The following CRB3 variants were observed in gnomAD, a reference collection of about 807,000 sequenced individuals.
CRB3 encodes the protein crumbs cell polarity complex component 3.
A neutral mutation model predicts 10.4 loss-of-function variants in CRB3; 4 were observed. That is an observed-to-expected ratio of 0.39 (90% CI 0.19 to 0.88). The LOEUF (loss-of-function observed/expected upper bound fraction) is 0.88. Among genes scored for constraint, CRB3 ranks in the 40% least tolerant of loss-of-function variants. The pLI is 0.39. For synonymous variants in CRB3, 74 were observed against 73.4 expected, an observed-to-expected ratio of 1.01 and a Z score of -0.04; for missense variants, 154 against 160.2, an observed-to-expected ratio of 0.96 and a Z score of 0.21.
intron 2 of CRB3, chr19:6,465,177 CCA>C: frequency 3.3e-6 from 1 of 299,178 alleles, no homozygotes; most frequent in Non-Finnish European, 6.2e-6. Context: ...GGTGTAGACC[CCA>C]GCCATTCAGT....
chr19:6,466,966 G>A lies in CRB3; in HGVS notation c.*294G>A, dbSNP rs748268475. 2.5e-5 allele frequency: 41 copies of A among 1,613,770 alleles called. No homozygotes were observed. Among genetic ancestry groups the A allele is most frequent in the Non-Finnish European group, 2.7e-5 (32 of 1,179,974 alleles). On this transcript the variant is annotated 3_prime_UTR_variant, in exon 4 of 4. Transcript: ENST00000600229. This position sits in a 1 kb window ranked among gnomAD's most constrained non-coding sequence, Gnocchi z 4.9. ...TTTCTTTCAGTTCTCCCATGCAGCCGAGGCCCGGGCCCCTCAGGACTCCAA... is the reference window on the plus strand; with the variant it reads ...TTTCTTTCAGTTCTCCCATGCAGCCAAGGCCCGGGCCCCTCAGGACTCCAA...
At position 6,466,469 on chromosome 19, in the gene CRB3, C is replaced by G; in HGVS notation, c.160C>G (p.Pro54Ala). 1 of 1,613,556 alleles carries G rather than the reference C, an allele frequency of 6.2e-7. No homozygotes were observed. The highest frequency in any genetic ancestry group is 1.1e-5 in the South Asian group (1 of 91,074). Residue 54 changes from proline to alanine, a missense_variant, in exon 4 of 4, where the codon CCA (proline) becomes GCA (alanine). By Grantham distance (27) the Pro-to-Ala change is conservative. Coordinates refer to ENST00000600229, the MANE Select transcript of CRB3 (RefSeq NM_139161.5). This position sits in a 1 kb window ranked among gnomAD's most constrained non-coding sequence, Gnocchi z 4.9. ...CACACCTGTCCCCTCTCTGCAGCGTCCAGAAGCCATCACTGCTATCATCGT... is the reference window on the plus strand; with the variant it reads ...CACACCTGTCCCCTCTCTGCAGCGTGCAGAAGCCATCACTGCTATCATCGT... ...TSSSSDGNLR[P>A]EAITAIIVVF...
Position 6,464,722 on chromosome 19 carries a change from G to GCTGCTTCTGGCGCTGGGC in CRB3, c.26_43dup (p.Leu9_Leu14dup). Reference sequence around the variant, plus strand: ...AGCCCATGGCGAACCCCGGGCTGGGGCTGCTTCTGGCGCTGGGCCTGCCGT... The same window carrying GCTGCTTCTGGCGCTGGGC: ...AGCCCATGGCGAACCCCGGGCTGGGGCTGCTTCTGGCGCTGGGCCTGCTTCTGGCGCTGGGCCTGCCGT... On this transcript the variant is annotated inframe_insertion, in exon 2 of 4. Transcript: ENST00000600229. The surrounding 1 kb of genome is among the most constrained non-coding windows in gnomAD (Gnocchi z 5.3). The GCTGCTTCTGGCGCTGGGC allele has an allele frequency of 8.0e-7, 1 of 1,246,074 alleles. No homozygotes were observed. Among genetic ancestry groups the GCTGCTTCTGGCGCTGGGC allele is most frequent in the Non-Finnish European group, 1.0e-6 (1 of 994,488 alleles). The allele number at this position is 1,246,074 out of a possible 1,614,324, so 77.2% of individuals were successfully genotyped here. A position where few individuals can be genotyped will look rare whatever the true frequency, so the allele number is the denominator to read the frequency against.
chr19:6,464,777 G>A lies in CRB3; in HGVS notation c.76G>A (p.Gly26Arg). Residue 26 changes from glycine to arginine, a missense_variant, in exon 2 of 4, where the codon GGG (glycine) becomes AGG (arginine). Gly to Arg is a moderately radical substitution (Grantham distance 125). Coordinates refer to ENST00000600229, the MANE Select transcript of CRB3 (RefSeq NM_139161.5). The surrounding 1 kb of genome is among the most constrained non-coding windows in gnomAD (Gnocchi z 5.3). ...FLLARWGRAW[G>R]QIQTTSANEN... Reference sequence around the variant, plus strand: ...GCTGGCCCGCTGGGGCCGAGCCTGGGGGCAAAGTAGGTACCAGCTGAGAGC... The same window carrying A: ...GCTGGCCCGCTGGGGCCGAGCCTGGAGGCAAAGTAGGTACCAGCTGAGAGC... 7.9e-7 allele frequency: 1 copy of A among 1,268,464 alleles called. No individual in the cohort carries two copies. Among genetic ancestry groups the A allele is most frequent in the Non-Finnish European group, 9.9e-7 (1 of 1,005,136 alleles). 78.6% of individuals were successfully genotyped at this position (1,268,464 alleles called of 1,614,324 possible). A position where few individuals can be genotyped will look rare whatever the true frequency, so the allele number is the denominator to read the frequency against.
chr19:6,464,983 G>A lies in CRB3; in HGVS notation c.82+200G>A, dbSNP rs188562497. 2 of 392,548 alleles carry A rather than the reference G, an allele frequency of 5.1e-6. No individual in the cohort carries two copies. Among genetic ancestry groups the A allele is most frequent in the East Asian group, 7.3e-5 (2 of 27,540 alleles). The allele number at this position is 392,548 out of a possible 1,614,324, so 24.3% of individuals were successfully genotyped here. A position where few individuals can be genotyped will look rare whatever the true frequency, so the allele number is the denominator to read the frequency against. ...TTCTAGTTTCTTCCTTGGACACTGG[G>A]AGTTGGTCTAGGAGACCTGAGTTCC... On this transcript the variant is annotated intron_variant, in intron 2 of 3. Coordinates refer to ENST00000600229, the MANE Select transcript of CRB3 (RefSeq NM_139161.5). This position sits in a 1 kb window ranked among gnomAD's most constrained non-coding sequence, Gnocchi z 5.3.
In CRB3 at chr19:6,464,911, T is replaced by G; in HGVS notation, c.82+128T>G. 4.3e-6 allele frequency: 2 copies of G among 469,866 alleles called. No homozygotes were observed. The allele number at this position is 469,866 out of a possible 1,614,324, so 29.1% of individuals were successfully genotyped here. ...CAAGAATTGGGGAGCGGGGAAGAAA[T>G]ACCTTGGGGAGGGGTCTACAGGGTT... is the stretch of plus-strand genomic sequence containing the variant. On this transcript the variant is annotated intron_variant, in intron 2 of 3. Transcript: ENST00000600229. The surrounding 1 kb of genome is among the most constrained non-coding windows in gnomAD (Gnocchi z 5.3).
chr19:6,465,219 G>A (rs1489203584), intron 2 of CRB3: 3 of 354,406 alleles, frequency 8.5e-6, no homozygotes, highest in Non-Finnish European at 1.6e-5. Context: ...CCTGTGGGGA[G>A]GTGTGAGTCA....
At position 6,466,255 on chromosome 19, in the gene CRB3, A is replaced by G. The variant is rs535029381; in HGVS notation, c.157-211A>G. On this transcript the variant is annotated intron_variant, in intron 3 of 3. Transcript: ENST00000600229. This position sits in a 1 kb window ranked among gnomAD's most constrained non-coding sequence, Gnocchi z 4.9. ...CAGGTGCTTGCGAGGGGTGTCCCGG[A>G]CATGGCAGGTGGTGGGGAGCCTTCG... Among the ~76,000 whole-genome samples the G allele has an allele frequency of 5.3e-4, 81 of 151,414 alleles. No homozygotes were observed. The highest frequency in any genetic ancestry group is 2.4e-3 in the Admixed American group (36 of 15,242).
Position 6,467,190 on chromosome 19 carries a change from T to A in CRB3, c.*518T>A, listed in dbSNP as rs2092799910. The A allele has an allele frequency of 1.8e-6, 1 of 543,858 alleles. No individual in the cohort carries two copies. The allele number at this position is 543,858 out of a possible 1,614,324, so 33.7% of individuals were successfully genotyped here. ...GATGGGGCTATTCACTTTTATATAT[T>A]TATATAAAATTAGTAGTGAGATGTA... On this transcript the variant is annotated 3_prime_UTR_variant, in exon 4 of 4. Coordinates refer to ENST00000600229, the MANE Select transcript of CRB3 (RefSeq NM_139161.5).
At chr19:6,465,153 C>A (rs2092788154) in intron 2 of CRB3, 2 of 282,908 alleles carry the variant, frequency 7.1e-6, no homozygotes, top group Non-Finnish European at 1.3e-5. Flanking sequence ...GCCGGGTCGA[C>A]CTGGTTGGCT....
In CRB3 at chr19:6,467,077, A is replaced by G; in HGVS notation, c.*405A>G. The G allele has an allele frequency of 6.5e-7, 1 of 1,532,218 alleles. No homozygotes were observed. Among genetic ancestry groups the G allele is most frequent in the African/African-American group, 1.4e-5 (1 of 73,318 alleles). The allele number at this position is 1,532,218 out of a possible 1,614,324, so 94.9% of individuals were successfully genotyped here. On this transcript the variant is annotated 3_prime_UTR_variant, in exon 4 of 4. Transcript: ENST00000600229. ...TTGCTGTGTGACCTTGGGGAAAGGC[A>G]GTGCCCTCTCTGGGCAGTCAGATCC...
rs866696831 is a variant in CRB3 at position 6,464,760 on chromosome 19, G to T, written c.59G>T (p.Arg20Leu). Residue 20 changes from arginine (R) to leucine (L), a missense_variant, in exon 2 of 4, where the codon CGC becomes CTC. Transcript: ENST00000600229. This position sits in a 1 kb window ranked among gnomAD's most constrained non-coding sequence, Gnocchi z 5.3. ...LALGLPFLLA[R>L]WGRAWGQIQT... ...CTGGGCCTGCCGTTCCTGCTGGCCC[G>T]CTGGGGCCGAGCCTGGGGGCAAAGT... 6.3e-6 allele frequency: 8 copies of T among 1,268,058 alleles called. No individual in the cohort carries two copies. The highest frequency in any genetic ancestry group is 3.0e-5 in the African/African-American group (2 of 65,900). 78.6% of individuals were successfully genotyped at this position (1,268,058 alleles called of 1,614,324 possible). A position where few individuals can be genotyped will look rare whatever the true frequency, so the allele number is the denominator to read the frequency against.
rs968484824 is a variant in CRB3, at chr19:6,466,997, C to T, written c.*325C>T. 2.3e-5 allele frequency: 37 copies of T among 1,613,834 alleles called. No individual in the cohort carries two copies. Among genetic ancestry groups the T allele is most frequent in the African/African-American group, 5.3e-5 (4 of 74,890 alleles). On this transcript the variant is annotated 3_prime_UTR_variant, in exon 4 of 4. Coordinates refer to ENST00000600229, the MANE Select transcript of CRB3 (RefSeq NM_139161.5). The surrounding 1 kb of genome is among the most constrained non-coding windows in gnomAD (Gnocchi z 4.9). ...CGGGCCCCTCAGGACTCCAAGGAGA[C>T]GGTGCAGGGCTGCCTGCCCATCTAG... is the stretch of plus-strand genomic sequence containing the variant.
Position 6,466,421 on chromosome 19 carries a change from A to G in CRB3, c.157-45A>G. ...GGATGCCATTCAGGTGGAGGTGGACAGGCTACCCAGGCTCAGGTGATTCAC... is the reference window on the plus strand; with the variant it reads ...GGATGCCATTCAGGTGGAGGTGGACGGGCTACCCAGGCTCAGGTGATTCAC... On this transcript the variant is annotated intron_variant, in intron 3 of 3. Transcript: ENST00000600229. This position sits in a 1 kb window ranked among gnomAD's most constrained non-coding sequence, Gnocchi z 4.9. 6.4e-7 allele frequency: 1 copy of G among 1,550,816 alleles called. No homozygotes were observed. Among genetic ancestry groups the G allele is most frequent in the Non-Finnish European group, 8.9e-7 (1 of 1,125,942 alleles).
rs1261765153 is a variant in CRB3, at chr19:6,466,844, T to C, written c.*172T>C. ...GCAGCATGTTGCCTCTGCTTGGCTG[T>C]GCCTGCAGCTCAGGGTGCTGGGGCT... is the stretch of plus-strand genomic sequence containing the variant. On this transcript the variant is annotated 3_prime_UTR_variant, in exon 4 of 4. Coordinates refer to ENST00000600229, the MANE Select transcript of CRB3 (RefSeq NM_139161.5). The surrounding 1 kb of genome is among the most constrained non-coding windows in gnomAD (Gnocchi z 4.9). The C allele has an allele frequency of 1.3e-6, 2 of 1,560,716 alleles. No individual in the cohort carries two copies. Among genetic ancestry groups the C allele is most frequent in the Admixed American group, 3.7e-5 (2 of 54,304 alleles).
chr19:6,466,972 C>G lies in CRB3; in HGVS notation c.*300C>G. ...TCAGTTCTCCCATGCAGCCGAGGCC[C>G]GGGCCCCTCAGGACTCCAAGGAGAC... On this transcript the variant is annotated 3_prime_UTR_variant, in exon 4 of 4. Coordinates refer to ENST00000600229, the MANE Select transcript of CRB3 (RefSeq NM_139161.5). This position sits in a 1 kb window ranked among gnomAD's most constrained non-coding sequence, Gnocchi z 4.9. The G allele has an allele frequency of 6.2e-7, 1 of 1,614,052 alleles. No homozygotes were observed.
intron 2 of CRB3, 125 bp from the exon 3 acceptor site, chr19:6,465,420 A>T: frequency 1.3e-6 from 1 of 799,730 alleles, no homozygotes; most frequent in Non-Finnish European, 2.2e-6. Context: ...GTGCGAATGA[A>T]AGGCAGAGTT....
Position 6,466,837 on chromosome 19 carries a change from T to G in CRB3, c.*165T>G, listed in dbSNP as rs573013015. 1.3e-6 allele frequency: 2 copies of G among 1,559,278 alleles called. No individual in the cohort carries two copies. Among genetic ancestry groups the G allele is most frequent in the Non-Finnish European group, 1.7e-6 (2 of 1,150,854 alleles). ...GCTCTGTGCAGCATGTTGCCTCTGC[T>G]TGGCTGTGCCTGCAGCTCAGGGTGC... On this transcript the variant is annotated 3_prime_UTR_variant, in exon 4 of 4. Coordinates refer to ENST00000600229, the MANE Select transcript of CRB3 (RefSeq NM_139161.5). This position sits in a 1 kb window ranked among gnomAD's most constrained non-coding sequence, Gnocchi z 4.9.
At chr19:6,465,664 T>C (rs751602718) in intron 3 of CRB3, 46 bp downstream of exon 3, 5 of 1,470,624 alleles carry the variant, frequency 3.4e-6, no homozygotes, top group Non-Finnish European at 4.8e-6. Context: ...GGATGTTATC[T>C]AGGGGTCACA....
Sources: allele counts gnomAD v4.1 joint callset (sites outside exome capture counted in the v4.1 genomes callset), GRCh38; gene constraint gnomAD v4.1.1; non-coding constraint Gnocchi (gnomAD v3.1); transcripts MANE v1.5; gene names NCBI Gene and HGNC (gene_info 2026-07-23, HGNC 2026-07-21).